The following AIG1 variants were observed in gnomAD, a reference collection of about 807,000 sequenced individuals.
The protein encoded by AIG1 is androgen-induced gene 1 protein.
A neutral mutation model predicts 31.4 loss-of-function variants in AIG1; 23 were observed. That is an observed-to-expected ratio of 0.73 (90% CI 0.53 to 1.04). The LOEUF is 1.04. AIG1 is among the 50% of genes least tolerant of loss of function. The pLI is 0.00. For missense variants in AIG1, 274 were observed against 295.0 expected (o/e 0.93, Z 0.52); for synonymous variants, 100 against 110.5 (o/e 0.90, Z 0.60).
At chr6:143,187,536 G>C in intron 3 of AIG1, 4 of 1,535,874 alleles carry the variant, frequency 2.6e-6, no homozygotes, top group Non-Finnish European at 3.5e-6. Context: ...TTTCACACTG[G>C]GTAGGCCTGT....
chr6:143,327,319 G>A lies in AIG1; in HGVS notation c.516-5963G>A. 1 of 226,218 alleles carries A rather than the reference G, an allele frequency of 4.4e-6. No homozygotes were observed. The highest frequency in any genetic ancestry group is 9.0e-6 in the Non-Finnish European group (1 of 111,324). The allele number at this position is 226,218 out of a possible 1,614,324, so 14.0% of individuals were successfully genotyped here. On this transcript the variant is annotated intron_variant, in intron 4 of 5. Transcript: ENST00000357847. The surrounding 1 kb of genome is among the most constrained non-coding windows in gnomAD (Gnocchi z 5.3). ...ATGGCAAGACAAAAAGGGCCACTCTGCCATCAACAAGGTGGTGACCTCGTT... is the reference window on the plus strand; with the variant it reads ...ATGGCAAGACAAAAAGGGCCACTCTACCATCAACAAGGTGGTGACCTCGTT...
At chr6:143,217,880 T>C (rs1226303397) in intron 3 of AIG1, among the ~76,000 whole-genome samples, 2 of 152,216 alleles carry the variant, frequency 1.3e-5, no homozygotes, top group African/African-American at 4.8e-5. Context: ...GGTAGGATAA[T>C]GTTTATGGCT....
At chr6:143,174,190 T>C (rs1222264187) in intron 3 of AIG1, among the ~76,000 whole-genome samples, 1 of 152,090 alleles carries the variant, frequency 6.6e-6, no homozygotes, top group Non-Finnish European at 1.5e-5. Flanking sequence ...TTGTCTGATA[T>C]AAGAAAAGCT....
intron 3 of AIG1, among the ~76,000 whole-genome samples, chr6:143,181,734 G>A (rs1788738839): frequency 6.6e-6 from 1 of 152,138 alleles, no homozygotes; most frequent in African/African-American, 2.4e-5. Context: ...AAACTGGAGG[G>A]AGAAAGGGGA....
At chr6:143,072,357 ATCATGTCACCTGT>A (rs1398626016) in intron 1 of AIG1, among the ~76,000 whole-genome samples, 2 of 152,238 alleles carry the variant, frequency 1.3e-5, no homozygotes, top group Non-Finnish European at 2.9e-5. Context: ...TATTTAGACT[ATCATGTCACCTGT>A]TAATAGAGAC....
chr6:143,317,752 C>T (rs1434993345), intron 4 of AIG1, among the ~76,000 whole-genome samples: 1 of 152,092 alleles, frequency 6.6e-6, no homozygotes, highest in African/African-American at 2.4e-5. Flanking sequence ...ACCTTAACGA[C>T]TCCTCCAGAA....
chr6:143,083,277 A>G (rs1778451405), intron 1 of AIG1, among the ~76,000 whole-genome samples: 1 of 152,208 alleles, frequency 6.6e-6, no homozygotes, highest in South Asian at 2.1e-4. Flanking sequence ...TCCATGTACC[A>G]AAGGACATGA....
At chr6:143,152,259 C>T (rs541108295) in intron 2 of AIG1, among the ~76,000 whole-genome samples, 2 of 152,294 alleles carry the variant, frequency 1.3e-5, no homozygotes, top group South Asian at 2.1e-4. Context: ...ATTTTTCTTA[C>T]TTTTATCCTC....
intron 1 of AIG1, among the ~76,000 whole-genome samples, chr6:143,124,732 C>T (rs1426271417): frequency 6.6e-6 from 1 of 152,178 alleles, no homozygotes; most frequent in Non-Finnish European, 1.5e-5. Context: ...AAAGGAGAAG[C>T]AGGTACCTTC....
intron 1 of AIG1, among the ~76,000 whole-genome samples, chr6:143,131,876 T>A (rs950004006): frequency 2.6e-5 from 4 of 152,224 alleles, no homozygotes; most frequent in Non-Finnish European, 5.9e-5. Context: ...CTGCTAAGTT[T>A]GTGGTAACTT....
chr6:143,190,099 C>G (rs914252336), intron 3 of AIG1: 1 of 874,632 alleles, frequency 1.1e-6, no homozygotes, highest in African/African-American at 1.8e-5. Flanking sequence ...AATCACTTCC[C>G]AAAGGGCCAT....
chr6:143,127,017 A>G (rs1782742416), intron 1 of AIG1, among the ~76,000 whole-genome samples: 1 of 152,180 alleles, frequency 6.6e-6, no homozygotes, highest in South Asian at 2.1e-4. Context: ...CTACAGAGTA[A>G]TATCTATCTA....
intron 1 of AIG1, among the ~76,000 whole-genome samples, chr6:143,100,626 T>C (rs1032040689): frequency 6.6e-6 from 1 of 152,190 alleles, no homozygotes; most frequent in Admixed American, 6.5e-5. Context: ...CAAGCCTCTG[T>C]AAAGATTGCG....
intron 1 of AIG1, among the ~76,000 whole-genome samples, chr6:143,075,317 T>A (rs1331020072): frequency 6.6e-6 from 1 of 152,188 alleles, no homozygotes; most frequent in Non-Finnish European, 1.5e-5. Flanking sequence ...TTGCTGTTTT[T>A]TGTTTTGTTT....
intron 3 of AIG1, among the ~76,000 whole-genome samples, chr6:143,237,639 G>A (rs1181258935): frequency 2.0e-5 from 3 of 152,072 alleles, no homozygotes; most frequent in East Asian, 1.9e-4. Context: ...AACATGTAAG[G>A]TTACCACCAA....
intron 3 of AIG1, among the ~76,000 whole-genome samples, chr6:143,209,563 G>A (rs950445569): frequency 2.6e-5 from 4 of 152,120 alleles, no homozygotes; most frequent in Non-Finnish European, 5.9e-5. Context: ...GGAGGAGGGG[G>A]CAATGAACCA....
intron 1 of AIG1, among the ~76,000 whole-genome samples, chr6:143,135,302 G>A (rs1468706322): frequency 1.3e-5 from 2 of 151,536 alleles, no homozygotes; most frequent in Non-Finnish European, 2.9e-5. Flanking sequence ...ACTCCATTAG[G>A]GCCAACATAG....
In AIG1 at chr6:143,227,862, G is replaced by C. The variant is rs142236917; in HGVS notation, c.400-56248G>C. Among the ~76,000 whole-genome samples, 633 of 152,208 alleles carry C rather than the reference G, an allele frequency of 4.2e-3. 5 individuals are homozygous for C. Among genetic ancestry groups the C allele is most frequent in the African/African-American group, 0.014 (599 of 41,518 alleles). On this transcript the variant is annotated intron_variant, in intron 3 of 5. Coordinates refer to ENST00000357847, the MANE Select transcript of AIG1 (RefSeq NM_016108.4). ...CTGCAGGAAGAATGGAAGAGCATGG[G>C]TTGTCACCTCATGGTCCTTAATGTG...
At chr6:143,269,756 GTAAACATC>G (rs1796378870) in intron 3 of AIG1, among the ~76,000 whole-genome samples, 1 of 152,202 alleles carries the variant, frequency 6.6e-6, no homozygotes, top group African/African-American at 2.4e-5. Context: ...TTATACAAAT[GTAAACATC>G]GGCAAAACTG....
Sources: allele counts gnomAD v4.1 joint callset (sites outside exome capture counted in the v4.1 genomes callset), GRCh38; gene constraint gnomAD v4.1.1; non-coding constraint Gnocchi (gnomAD v3.1); transcripts MANE v1.5; gene names NCBI Gene and HGNC (gene_info 2026-07-23, HGNC 2026-07-21).